DNMT3A: variants seen among roughly 807,000 people sequenced by gnomAD.
DNMT3A encodes the protein DNA methyltransferase 3 alpha, also known as DNA (cytosine-5)-methyltransferase 3A.
Under a neutral mutation model 117.6 loss-of-function variants are expected in DNMT3A, and 267 were observed. That is an observed-to-expected ratio of 2.27 (90% CI 2.05 to 2.51). DNMT3A has a LOEUF of 2.51. DNMT3A is among the 30% of genes most tolerant of loss of function. The pLI is 0.00. For missense variants in DNMT3A, 1,029 were observed against 1,260.2 expected (o/e 0.82, Z 2.78); for synonymous variants, 432 against 474.8 (o/e 0.91, Z 1.17).
chr2:25,277,619 C>T (rs1325840889), intron 4 of DNMT3A, among the ~76,000 whole-genome samples: 1 of 152,228 alleles, frequency 6.6e-6, no homozygotes, highest in Non-Finnish European at 1.5e-5. Flanking sequence ...GAACCTCAAA[C>T]GTTTCCTACT....
chr2:25,313,430 G>A (rs549142481), intron 2 of DNMT3A, among the ~76,000 whole-genome samples: 2 of 152,302 alleles, frequency 1.3e-5, no homozygotes, highest in South Asian at 2.1e-4. Context: ...CTGTGCCTCC[G>A]TCTGTGTGGG....
chr2:25,272,803 C>CTTTTTTTTTT (rs1217338234), intron 6 of DNMT3A, among the ~76,000 whole-genome samples: 29 of 130,692 alleles, frequency 2.2e-4, no homozygotes, highest in African/African-American at 7.3e-4. Context: ...TGCACTTTCT[C>CTTTTTTTTTT]TTTTTTTTTT....
At chr2:25,295,241 C>T (rs968866299) in intron 3 of DNMT3A, among the ~76,000 whole-genome samples, 1 of 152,212 alleles carries the variant, frequency 6.6e-6, no homozygotes, top group Non-Finnish European at 1.5e-5. Flanking sequence ...CACACACGGG[C>T]TCAGCTCCAC....
chr2:25,288,205 C>A lies in DNMT3A; in HGVS notation c.178-5494G>T, dbSNP rs60537173. On this transcript the variant is annotated intron_variant, in intron 3 of 22. Coordinates refer to ENST00000321117, the MANE Select transcript of DNMT3A (RefSeq NM_022552.5). Reference sequence around the variant, plus strand: ...ATCCCAGCACTTTGGGCGGCTGAGGCGGGTGGATCATGAGGTCAGCAGATT... The same window carrying A: ...ATCCCAGCACTTTGGGCGGCTGAGGAGGGTGGATCATGAGGTCAGCAGATT... 2.0e-5 allele frequency among the ~76,000 whole-genome samples: 3 copies of A among 147,114 alleles called. No homozygotes were observed. The South Asian group carries it at 6.9e-4, about 34-fold the overall frequency.
intron 3 of DNMT3A, among the ~76,000 whole-genome samples, chr2:25,287,913 C>T (rs1234248636): frequency 6.6e-6 from 1 of 151,818 alleles, no homozygotes; most frequent in Admixed American, 6.6e-5. Flanking sequence ...CGGCTCACTA[C>T]AACCTCCACC....
At chr2:25,258,631 A>G (rs775447298) in intron 6 of DNMT3A, among the ~76,000 whole-genome samples, 3 of 152,198 alleles carry the variant, frequency 2.0e-5, no homozygotes, top group Non-Finnish European at 4.4e-5. Flanking sequence ...ATGCAATTAG[A>G]TGGTAAATTA....
Position 25,252,259 on chromosome 2 carries a change from G to T in DNMT3A, c.640-4007C>A, listed in dbSNP as rs1392231212. 5 of 1,275,780 alleles carry T rather than the reference G, an allele frequency of 3.9e-6. No individual in the cohort carries two copies. Among genetic ancestry groups the T allele is most frequent in the Non-Finnish European group, 5.2e-6 (5 of 970,526 alleles). 79.0% of individuals were successfully genotyped at this position (1,275,780 alleles called of 1,614,324 possible). A position where few individuals can be genotyped will look rare whatever the true frequency, so the allele number is the denominator to read the frequency against. On this transcript the variant is annotated intron_variant, in intron 6 of 22. Transcript: ENST00000321117. The surrounding 1 kb of genome is among the most constrained non-coding windows in gnomAD (Gnocchi z 5.5). ...TGTGAGCCGCGGCCCTGAAGCTCTGGAAGTAGCTGCCCGTCTTGGGGGAGG... is the reference window on the plus strand; with the variant it reads ...TGTGAGCCGCGGCCCTGAAGCTCTGTAAGTAGCTGCCCGTCTTGGGGGAGG...
chr2:25,257,498 G>C lies in DNMT3A; in HGVS notation c.640-9246C>G, dbSNP rs769253404. Among the ~76,000 whole-genome samples, 2 of 152,166 alleles carry C rather than the reference G, an allele frequency of 1.3e-5. No individual in the cohort carries two copies. The highest frequency in any genetic ancestry group is 2.9e-5 in the Non-Finnish European group (2 of 68,030). ...CTCTCTCCTGGCTTCTCTGGAGGGAGAGAAGTGGGGGTCTGGTCTTGGCTT... is the reference window on the plus strand; with the variant it reads ...CTCTCTCCTGGCTTCTCTGGAGGGACAGAAGTGGGGGTCTGGTCTTGGCTT... On this transcript the variant is annotated intron_variant, in intron 6 of 22. Transcript: ENST00000321117. This position sits in a 1 kb window ranked among gnomAD's most constrained non-coding sequence, Gnocchi z 4.8.
At position 25,294,882 on chromosome 2, in the gene DNMT3A, T is replaced by C. The variant is rs954326483; in HGVS notation, c.177+5257A>G. Among the ~76,000 whole-genome samples the C allele has an allele frequency of 6.6e-6, 1 of 151,978 alleles. No homozygotes were observed. Among genetic ancestry groups the C allele is most frequent in the African/African-American group, 2.4e-5 (1 of 41,378 alleles). ...AGCTCAGCACCAGCGCCCAGCCCCCTCCTCCTCCTCCCTCCCATTCTGGGT... is the reference window on the plus strand; with the variant it reads ...AGCTCAGCACCAGCGCCCAGCCCCCCCCTCCTCCTCCCTCCCATTCTGGGT... On this transcript the variant is annotated intron_variant, in intron 3 of 22. Coordinates refer to ENST00000321117, the MANE Select transcript of DNMT3A (RefSeq NM_022552.5). This position sits in a 1 kb window ranked among gnomAD's most constrained non-coding sequence, Gnocchi z 4.7.
At position 25,313,890 on chromosome 2, in the gene DNMT3A, C is replaced by A. The variant is rs1184208849; in HGVS notation, c.72+23G>T. On this transcript the variant is annotated intron_variant, in intron 2 of 22. Coordinates refer to ENST00000321117, the MANE Select transcript of DNMT3A (RefSeq NM_022552.5). ...CTCTCCCTCTCCCAGGCCAGAGGGT[C>A]CCCAGCAGAGCCCGCTGCTCACCTT... 4.5e-6 allele frequency: 7 copies of A among 1,548,868 alleles called. No homozygotes were observed. The South Asian group carries it at 7.1e-5, about 16-fold the overall frequency.
At chr2:25,266,748 A>C (rs1389599890) in intron 6 of DNMT3A, among the ~76,000 whole-genome samples, 1 of 152,242 alleles carries the variant, frequency 6.6e-6, no homozygotes, top group Non-Finnish European at 1.5e-5. Context: ...AAAGCATAAC[A>C]AGATACTATT....
rs2032408246 is a variant in DNMT3A at position 25,287,668 on chromosome 2, G to C, written c.178-4957C>G. On this transcript the variant is annotated intron_variant, in intron 3 of 22. Transcript: ENST00000321117. ...TTGGCTGCCACAAGGTTAGGGTGAG[G>C]TGCTGGCATCTAGTGAGTAGAGGCT... is the stretch of plus-strand genomic sequence containing the variant. 2.6e-5 allele frequency among the ~76,000 whole-genome samples: 4 copies of C among 152,076 alleles called. No homozygotes were observed. The South Asian group carries it at 8.3e-4, about 32-fold the overall frequency.
At chr2:25,265,977 C>T (rs1462090093) in intron 6 of DNMT3A, among the ~76,000 whole-genome samples, 1 of 152,172 alleles carries the variant, frequency 6.6e-6, no homozygotes, top group Non-Finnish European at 1.5e-5. Context: ...TGGCCCTGGG[C>T]CAGCAACTAG....
chr2:25,322,950 C>T (rs1478506141), intron 1 of DNMT3A, among the ~76,000 whole-genome samples: 1 of 151,914 alleles, frequency 6.6e-6, no homozygotes, highest in Non-Finnish European at 1.5e-5. Flanking sequence ...TGTAGCAGGT[C>T]CTTCTCCCTC....
At chr2:25,248,366 G>T in intron 6 of DNMT3A, 114 bp from the exon 7 acceptor site, 2 of 1,228,024 alleles carry the variant, frequency 1.6e-6, no homozygotes, top group East Asian at 2.6e-5. Context: ...GAAGGTCAAG[G>T]GCTGGAGAGA....
rs1482138248 is a variant in DNMT3A at position 25,254,958 on chromosome 2, C to A, written c.640-6706G>T. 6.6e-6 allele frequency among the ~76,000 whole-genome samples: 1 copy of A among 152,214 alleles called. No individual in the cohort carries two copies. The highest frequency in any genetic ancestry group is 2.4e-5 in the African/African-American group (1 of 41,446). ...TTAGGTAGCTGTTCCCTCCGGCCGT[C>A]AAACTTCCTTATTCTCATCCTTTAA... On this transcript the variant is annotated intron_variant, in intron 6 of 22. Transcript: ENST00000321117. The surrounding 1 kb of genome is among the most constrained non-coding windows in gnomAD (Gnocchi z 4.7).
At position 25,231,574 on chromosome 2, in the gene DNMT3A, C is replaced by T. The variant is rs184294390; in HGVS notation, c.*2705G>A. On this transcript the variant is annotated 3_prime_UTR_variant, in exon 23 of 23. Transcript: ENST00000321117. The stretch of plus-strand genomic sequence containing the variant: ...TTTGGTTTATTCAATAGGTGAGGTT[C>T]ACTGTCCCATTTTTTTTCCCCAATG... 1 of 152,344 alleles carries T rather than the reference C, an allele frequency of 6.6e-6. No homozygotes were observed. Among genetic ancestry groups the T allele is most frequent in the African/African-American group, 2.4e-5 (1 of 41,564 alleles). The allele number at this position is 152,344 out of a possible 1,614,324, so 9.4% of individuals were successfully genotyped here. A position where few individuals can be genotyped will look rare whatever the true frequency, so the allele number is the denominator to read the frequency against.
chr2:25,334,024 G>A (rs934360421), intron 1 of DNMT3A, among the ~76,000 whole-genome samples: 1 of 152,182 alleles, frequency 6.6e-6, no homozygotes, highest in Non-Finnish European at 1.5e-5. Context: ...GGCCAGTTCT[G>A]TGCTTGCCTC....
rs1674889411 is a variant in DNMT3A, at chr2:25,247,049, A to C, written c.1122+2T>G. ...CTCCGAGCTCCCAGCAGGGACACTC[A>C]CCTGCAGGACCTCGTAGATGGCTTT... On this transcript the variant is annotated splice_donor_variant, in intron 9 of 22. Coordinates refer to ENST00000321117, the MANE Select transcript of DNMT3A (RefSeq NM_022552.5). LOFTEE classifies it high-confidence loss of function. This position sits in a 1 kb window ranked among gnomAD's most constrained non-coding sequence, Gnocchi z 5.6. 2 of 1,613,506 alleles carry C rather than the reference A, an allele frequency of 1.2e-6. No individual in the cohort carries two copies. The highest frequency in any genetic ancestry group is 1.3e-5 in the African/African-American group (1 of 74,878).
Sources: allele counts gnomAD v4.1 joint callset (sites outside exome capture counted in the v4.1 genomes callset), GRCh38; gene constraint gnomAD v4.1.1; non-coding constraint Gnocchi (gnomAD v3.1); transcripts MANE v1.5; gene names NCBI Gene and HGNC (gene_info 2026-07-23, HGNC 2026-07-21).